The following SAMM50 variants were observed in gnomAD, a reference collection of about 807,000 sequenced individuals.
SAMM50 encodes the protein sorting and assembly machinery component 50 homolog.
In SAMM50, 47 loss-of-function variants were observed where a neutral mutation model predicts 66.9. That is an observed-to-expected ratio of 0.70 (90% CI 0.56 to 0.90). The LOEUF (loss-of-function observed/expected upper bound fraction) is 0.90. Among genes scored for constraint, SAMM50 ranks in the 40% least tolerant of loss-of-function variants. The pLI is 0.00. For synonymous variants in SAMM50, 191 were observed against 214.1 expected (o/e 0.89, Z 0.94); for missense variants, 535 against 595.3 (o/e 0.90, Z 1.05).
In SAMM50 at chr22:43,955,519, G is replaced by A; in HGVS notation, c.-59G>A. 1 of 1,568,886 alleles carries A rather than the reference G, an allele frequency of 6.4e-7. No individual in the cohort carries two copies. On this transcript the variant is annotated 5_prime_UTR_variant, in exon 1 of 15. Coordinates refer to ENST00000350028, the MANE Select transcript of SAMM50 (RefSeq NM_015380.5). ...ACCGCGGACCCGCCTTCTGCCCTCAGCAGCAGACGCTCTGTCCCGCCCGGG... is the reference window on the plus strand; with the variant it reads ...ACCGCGGACCCGCCTTCTGCCCTCAACAGCAGACGCTCTGTCCCGCCCGGG...
At chr22:43,968,512 CTT>C (rs1355301366) in intron 3 of SAMM50, among the ~76,000 whole-genome samples, 1 of 152,212 alleles carries the variant, frequency 6.6e-6, no homozygotes, top group Non-Finnish European at 1.5e-5. Flanking sequence ...GTTGCACACT[CTT>C]GATGCCAAGG....
At chr22:43,982,926 G>T (rs570210961) in intron 11 of SAMM50, among the ~76,000 whole-genome samples, 1 of 152,300 alleles carries the variant, frequency 6.6e-6, no homozygotes, top group South Asian at 2.1e-4. Context: ...GCGAGCTACC[G>T]CACGTGGCCT....
chr22:43,967,934 T>C (rs555061451), intron 3 of SAMM50, among the ~76,000 whole-genome samples: 11 of 152,246 alleles, frequency 7.2e-5, no homozygotes, highest in African/African-American at 2.6e-4. Context: ...TAGAGATGGT[T>C]AGAAAGGCCG....
At chr22:43,966,175 G>T (rs985783033) in intron 3 of SAMM50, among the ~76,000 whole-genome samples, 3 of 152,124 alleles carry the variant, frequency 2.0e-5, no homozygotes, top group African/African-American at 4.8e-5. Flanking sequence ...CCATTGATGG[G>T]CATTTAAATT....
intron 1 of SAMM50, among the ~76,000 whole-genome samples, chr22:43,955,943 T>C (rs2050117045): frequency 6.6e-6 from 1 of 152,226 alleles, no homozygotes; most frequent in Non-Finnish European, 1.5e-5. Context: ...ACTTCCAGCC[T>C]TTCCCCGCTC....
intron 3 of SAMM50, among the ~76,000 whole-genome samples, chr22:43,964,806 G>A (rs957278656): frequency 2.0e-5 from 3 of 152,094 alleles, no homozygotes; most frequent in East Asian, 1.9e-4. Context: ...GTCCTCTTGC[G>A]TTCCTCATAA....
intron 10 of SAMM50, among the ~76,000 whole-genome samples, chr22:43,981,104 G>A (rs1312802969): frequency 4.6e-5 from 7 of 152,234 alleles, no homozygotes; most frequent in Admixed American, 2.0e-4. Flanking sequence ...GTCACTTCCC[G>A]TTGCAGAGCA....
chr22:43,966,652 G>A (rs5764431), intron 3 of SAMM50, among the ~76,000 whole-genome samples: 88,959 of 151,968 alleles, frequency 0.59, 26,555 homozygotes, highest in East Asian at 0.83. Context: ...CACTGCACCC[G>A]GCCCACAAGT....
At chr22:43,973,913 C>T (rs761786580) in intron 7 of SAMM50, among the ~76,000 whole-genome samples, 20 of 152,172 alleles carry the variant, frequency 1.3e-4, no homozygotes, top group South Asian at 2.1e-4. Context: ...GCACCTGGTC[C>T]GGAAGGTTTC....
intron 10 of SAMM50, among the ~76,000 whole-genome samples, chr22:43,981,144 G>A (rs559181393): frequency 1.3e-5 from 2 of 152,364 alleles, no homozygotes; most frequent in East Asian, 1.9e-4. Flanking sequence ...AATGGAAGCC[G>A]GGCCCTGCTC....
intron 5 of SAMM50, 100 bp downstream of exon 5, chr22:43,972,442 G>C (rs2050208735): frequency 3.1e-6 from 2 of 641,696 alleles, no homozygotes; most frequent in East Asian, 6.0e-5. Flanking sequence ...TCAAAATTCG[G>C]TCATTTCATT....
chr22:43,985,761 C>T (rs1470798146), intron 12 of SAMM50, among the ~76,000 whole-genome samples: 6 of 151,930 alleles, frequency 3.9e-5, no homozygotes, highest in South Asian at 2.1e-4. Flanking sequence ...GTTAAGAGCA[C>T]GCCTCCCCTT....
At position 43,989,218 on chromosome 22, in the gene SAMM50, T is replaced by G. The variant is rs751660124; in HGVS notation, c.1183T>G (p.Phe395Val). The G allele has an allele frequency of 3.7e-6, 6 of 1,614,084 alleles. No individual in the cohort carries two copies. In the Admixed American group the frequency reaches 5.0e-5, roughly 13 times the overall value. Residue 395 changes from phenylalanine to valine, a missense_variant, in exon 13 of 15, where the codon TTC (phenylalanine) becomes GTC (valine). Phe to Val is a conservative substitution (Grantham distance 50). Transcript: ENST00000350028. ...CTTTGGAGAACTTTTCCGAACACAC[T>G]TCTTTCTCAACGCAGGAAACCTCTG... ...GGFGELFRTHFFLNAGNLCNL... is the reference protein window; with the variant it reads ...GGFGELFRTHVFLNAGNLCNL...
intron 13 of SAMM50, 74 bp downstream of exon 13, chr22:43,989,331 G>T (rs2050310682): frequency 1.5e-6 from 2 of 1,375,484 alleles, no homozygotes; most frequent in African/African-American, 3.1e-5. Flanking sequence ...ACACAAAGAG[G>T]TGTCTGTCTT....
chr22:43,994,801 ATTTTG>A (rs1002058783), intron 14 of SAMM50, among the ~76,000 whole-genome samples: 14 of 152,184 alleles, frequency 9.2e-5, no homozygotes, highest in Admixed American at 5.9e-4. Flanking sequence ...TGCAGTGGGT[ATTTTG>A]TTCTGTGACA....
intron 4 of SAMM50, among the ~76,000 whole-genome samples, chr22:43,970,507 A>T (rs760971969): frequency 7.9e-5 from 12 of 152,144 alleles, no homozygotes; most frequent in Non-Finnish European, 2.9e-5. Flanking sequence ...GGTGTTGTAC[A>T]CGGCACTGCT....
intron 14 of SAMM50, among the ~76,000 whole-genome samples, chr22:43,991,887 C>G (rs558092285): frequency 6.6e-6 from 1 of 152,330 alleles, no homozygotes; most frequent in East Asian, 1.9e-4. Flanking sequence ...TCTTCGTTAC[C>G]TCGTCTGCAC....
intron 12 of SAMM50, 36 bp from the exon 13 acceptor site, chr22:43,989,075 G>A (rs760695925): frequency 6.3e-7 from 1 of 1,593,032 alleles, no homozygotes; most frequent in Non-Finnish European, 8.5e-7. Flanking sequence ...AACCTTGTCG[G>A]ACCTTGTTTT....
chr22:43,970,284 G>T (rs1187611696), intron 4 of SAMM50, among the ~76,000 whole-genome samples: 1 of 151,820 alleles, frequency 6.6e-6, no homozygotes, highest in African/African-American at 2.4e-5. Flanking sequence ...CCTTGGGCTA[G>T]TGTGGTTTCC....
Sources: allele counts gnomAD v4.1 joint callset (sites outside exome capture counted in the v4.1 genomes callset), GRCh38; gene constraint gnomAD v4.1.1; transcripts MANE v1.5; gene names NCBI Gene and HGNC (gene_info 2026-07-23, HGNC 2026-07-21).